The following UNC79 variants were observed in gnomAD, a reference collection of about 807,000 sequenced individuals.
The protein encoded by UNC79 is protein unc-79 homolog.
In UNC79, 37 loss-of-function variants were observed where a neutral mutation model predicts 283.1. That is an observed-to-expected ratio of 0.13 (90% CI 0.10 to 0.17). The LOEUF is 0.17. Among genes scored for constraint, UNC79 ranks in the 10% least tolerant of loss-of-function variants. The pLI, the probability that UNC79 is intolerant of heterozygous loss-of-function variation, is 1.00. For missense variants in UNC79, 2,272 were observed against 3,211.1 expected (o/e 0.71, Z 7.07); for synonymous variants, 1,107 against 1,200.2 (o/e 0.92, Z 1.61).
At chr14:93,613,174 A>G (rs774431321) in intron 27 of UNC79, 91 bp downstream of exon 28, 250 of 1,530,624 alleles carry the variant, frequency 1.6e-4, no homozygotes, top group Non-Finnish European at 2.1e-4. Flanking sequence ...TTGGTTCAGC[A>G]TAAAGGTTTG....
intron 22 of UNC79, among the ~76,000 whole-genome samples, chr14:93,589,820 C>T (rs2064523028): frequency 6.6e-6 from 1 of 151,988 alleles, no homozygotes; most frequent in Non-Finnish European, 1.5e-5. Context: ...TCCAGCATGT[C>T]GGAAAATAGA....
At chr14:93,653,542 C>T (rs1596249298) in intron 35 of UNC79, among the ~76,000 whole-genome samples, 200 bp from the exon 39 acceptor site, 2 of 152,128 alleles carry the variant, frequency 1.3e-5, no homozygotes, top group Admixed American at 1.3e-4. Context: ...ACTACACTGG[C>T]ATTTCATGGT....
chr14:93,705,958 G>A (rs1397282679), intron 48 of UNC79, among the ~76,000 whole-genome samples: 8 of 152,130 alleles, frequency 5.3e-5, no homozygotes, highest in Non-Finnish European at 8.8e-5. Context: ...TATTTGTGGC[G>A]GCCGTCGGGG....
chr14:93,679,256 C>A (rs2073624414), intron 41 of UNC79, among the ~76,000 whole-genome samples: 1 of 152,008 alleles, frequency 6.6e-6, no homozygotes, highest in Non-Finnish European at 1.5e-5. Flanking sequence ...GTCAAGAGAT[C>A]GAGACCATCC....
At chr14:93,406,672 A>G (rs546550219) in intron 1 of UNC79, among the ~76,000 whole-genome samples, 52 of 152,332 alleles carry the variant, frequency 3.4e-4, no homozygotes, top group African/African-American at 9.9e-4. Flanking sequence ...ATCCTAAAAG[A>G]TGATTTATTA....
intron 20 of UNC79, among the ~76,000 whole-genome samples, chr14:93,586,098 T>G (rs2064206628): frequency 6.6e-6 from 1 of 152,174 alleles, no homozygotes; most frequent in South Asian, 2.1e-4. Flanking sequence ...GCCATGCTGG[T>G]CTTGAACTCT....
chr14:93,608,682 G>A (rs181090718), intron 26 of UNC79, among the ~76,000 whole-genome samples: 2 of 152,142 alleles, frequency 1.3e-5, no homozygotes, highest in African/African-American at 4.8e-5. Context: ...GCTCATGGAG[G>A]GATCCTTTCT....
intron 1 of UNC79, among the ~76,000 whole-genome samples, chr14:93,344,173 A>G (rs943313178): frequency 8.5e-5 from 13 of 152,230 alleles, no homozygotes; most frequent in Non-Finnish European, 1.5e-5. Flanking sequence ...ACTTCTCAAG[A>G]TTAGGATTAA....
intron 27 of UNC79, among the ~76,000 whole-genome samples, chr14:93,615,018 G>A (rs2066594449): frequency 6.6e-6 from 1 of 152,184 alleles, no homozygotes; most frequent in African/African-American, 2.4e-5. Context: ...GCACCAATCT[G>A]CAAAGATAGA....
At chr14:93,404,486 TAA>T in intron 1 of UNC79, among the ~76,000 whole-genome samples, 1 of 53,048 alleles carries the variant, frequency 1.9e-5, no homozygotes, top group East Asian at 2.8e-4. Flanking sequence ...TGAGACCTTC[TAA>T]AAAAAATATA....
At chr14:93,631,970 AC>A (rs1345389188) in intron 31 of UNC79, among the ~76,000 whole-genome samples, 1 of 152,240 alleles carries the variant, frequency 6.6e-6, no homozygotes, top group Non-Finnish European at 1.5e-5. Flanking sequence ...AGTGGCTCAC[AC>A]ACATTGTTAT....
intron 1 of UNC79, among the ~76,000 whole-genome samples, chr14:93,436,879 T>C (rs1419009889): frequency 6.6e-6 from 1 of 152,148 alleles, no homozygotes; most frequent in Non-Finnish European, 1.5e-5. Context: ...CCTTCTGGAC[T>C]TTTCAAGACC....
chr14:93,424,390 T>C (rs926620662), intron 1 of UNC79, among the ~76,000 whole-genome samples: 7 of 152,144 alleles, frequency 4.6e-5, no homozygotes, highest in Admixed American at 2.0e-4. Flanking sequence ...AAGCATTACA[T>C]TGAAGAGAGA....
intron 1 of UNC79, among the ~76,000 whole-genome samples, chr14:93,425,101 A>G (rs772487844): frequency 6.6e-5 from 10 of 152,202 alleles, no homozygotes; most frequent in Non-Finnish European, 1.5e-4. Context: ...TTTATAAAGG[A>G]AAGAGGTTTA....
At chr14:93,586,203 CAT>C (rs1330731776) in intron 20 of UNC79, among the ~76,000 whole-genome samples, 1 of 152,166 alleles carries the variant, frequency 6.6e-6, no homozygotes, top group African/African-American at 2.4e-5. Context: ...TTAATACCTG[CAT>C]ATCTCCCTTC....
exon 14 of UNC79, chr14:93,542,658 G>T: frequency 6.2e-7 from 1 of 1,614,252 alleles, no homozygotes; most frequent in African/African-American, 1.3e-5. Context: ...CGATGTCATG[G>T]TCATGTGCCT....
At chr14:93,695,826 G>A (rs1040057787) in intron 47 of UNC79, among the ~76,000 whole-genome samples, 6 of 137,730 alleles carry the variant, frequency 4.4e-5, no homozygotes, top group African/African-American at 1.7e-4. Flanking sequence ...GGAAGGTGGA[G>A]GTTGCAGTGA....
chr14:93,586,896 T>C (rs1330489010), exon 22 of UNC79: 3 of 1,613,774 alleles, frequency 1.9e-6, no homozygotes, highest in Admixed American at 1.7e-5. Context: ...CAGGACCACA[T>C]GTTGATTGCA....
chr14:93,660,547 ATATATATATATATATATGTGTGTGTGTG>A (rs1183409439), intron 39 of UNC79, among the ~76,000 whole-genome samples: 11 of 119,000 alleles, frequency 9.2e-5, no homozygotes, highest in African/African-American at 2.0e-4. Flanking sequence ...ATATATATAT[ATATATATATATATATATGTGTGTGTGTG>A]TGTGTTCATT....
Sources: gnomAD v4.1 joint callset for allele counts (sites outside exome capture counted in the v4.1 genomes callset) on GRCh38, gnomAD v4.1.1 for gene constraint, MANE v1.5 for transcripts, NCBI Gene and HGNC (gene_info 2026-07-23, HGNC 2026-07-21) for gene names.